Variants in CAST observed in about 807,000 individuals in gnomAD.
CAST encodes the protein calpastatin, also known as MIR583 host.
In CAST, 76 loss-of-function variants were observed where a neutral mutation model predicts 119.6. The observed-to-expected ratio is 0.64, with a 90% CI of 0.53 to 0.77. The LOEUF is 0.77. Among genes scored for constraint, CAST ranks in the 30% least tolerant of loss-of-function variants. CAST has a pLI of 0.00. For synonymous variants in CAST, 319 were observed against 331.6 expected (o/e 0.96, Z 0.41); for missense variants, 953 against 946.5 (o/e 1.01, Z -0.09).
the CAST span, among the ~76,000 whole-genome samples, chr5:96,277,547 CTAAA>C: frequency 3.9e-4 from 60 of 152,046 alleles, no homozygotes; most frequent in African/African-American, 1.4e-3. Flanking sequence ...ATAAGGATGA[CTAAA>C]TAAATATTCT....
the CAST span, among the ~76,000 whole-genome samples, chr5:96,042,290 G>A: frequency 2.6e-5 from 4 of 152,124 alleles, no homozygotes; most frequent in East Asian, 7.7e-4. Context: ...GTCTTTTTGA[G>A]GGTCTTAAGT....
the CAST span, among the ~76,000 whole-genome samples, chr5:96,168,455 T>C: frequency 6.6e-6 from 1 of 152,186 alleles, no homozygotes; most frequent in Non-Finnish European, 1.5e-5. Context: ...TTAGAGTCAG[T>C]ATAAATATTG....
At chr5:96,016,113 T>TG in the CAST span, among the ~76,000 whole-genome samples, 2 of 152,358 alleles carry the variant, frequency 1.3e-5, no homozygotes, top group African/African-American at 4.8e-5. Context: ...GCCTATGGAC[T>TG]GCAGCTTCAG....
the CAST span, among the ~76,000 whole-genome samples, chr5:96,233,111 C>G: frequency 6.6e-6 from 1 of 152,034 alleles, no homozygotes; most frequent in Non-Finnish European, 1.5e-5. Context: ...CAATCTGCAT[C>G]TATTAGTATT....
the CAST span, among the ~76,000 whole-genome samples, chr5:96,016,373 C>G: frequency 1.3e-5 from 2 of 152,216 alleles, no homozygotes; most frequent in Non-Finnish European, 2.9e-5. Context: ...AAGTCCAGAA[C>G]TCTGTGCACA....
chr5:96,655,479 G>A (rs761796025), intron 1 of CAST, among the ~76,000 whole-genome samples: 10 of 152,162 alleles, frequency 6.6e-5, no homozygotes, highest in African/African-American at 1.7e-4. Flanking sequence ...ATGGCAGTCC[G>A]CAGTCAAATG....
intron 1 of CAST, among the ~76,000 whole-genome samples, chr5:96,569,718 G>A (rs1746539274): frequency 6.6e-6 from 1 of 152,184 alleles, no homozygotes; most frequent in African/African-American, 2.4e-5. Context: ...CACTAAACAA[G>A]TCATCCATAG....
Position 96,774,519 on chromosome 5 carries a change from G to T in CAST, c.*1903G>T. The T allele has an allele frequency of 1.0e-6, 1 of 986,300 alleles. No homozygotes were observed. The highest frequency in any genetic ancestry group is 1.2e-6 in the Non-Finnish European group (1 of 829,808). 61.1% of individuals were successfully genotyped at this position (986,300 alleles called of 1,614,324 possible). Reference sequence around the variant, plus strand: ...AGAACAATTTTTTATTATCAAAAAGGTTTCTGCACATTGTTGTGGCAATAT... The same window carrying T: ...AGAACAATTTTTTATTATCAAAAAGTTTTCTGCACATTGTTGTGGCAATAT... On this transcript the variant is annotated 3_prime_UTR_variant, in exon 32 of 32. Transcript: ENST00000675179.
the CAST span, among the ~76,000 whole-genome samples, chr5:96,412,752 G>GTTTTTTTGTT: frequency 1.4e-5 from 1 of 71,832 alleles, no homozygotes; most frequent in African/African-American, 9.0e-5. Context: ...CAGCTGTGAT[G>GTTTTTTTGTT]TTTTTTTTTT....
At chr5:96,223,907 G>T in the CAST span, among the ~76,000 whole-genome samples, 1 of 152,068 alleles carries the variant, frequency 6.6e-6, no homozygotes, top group Non-Finnish European at 1.5e-5. Flanking sequence ...TTAACAAGCA[G>T]GTTAACAACA....
chr5:96,668,299 G>A (rs908278916), intron 1 of CAST, among the ~76,000 whole-genome samples: 1 of 152,164 alleles, frequency 6.6e-6, no homozygotes, highest in African/African-American at 2.4e-5. Context: ...AGTGTTATAC[G>A]AAGATGTGAG....
chr5:96,649,811 G>T (rs1481459445), intron 1 of CAST, among the ~76,000 whole-genome samples: 1 of 152,160 alleles, frequency 6.6e-6, no homozygotes, highest in Non-Finnish European at 1.5e-5. Flanking sequence ...TGTTAGAGTT[G>T]CATTTAAACT....
upstream of CAST, among the ~76,000 whole-genome samples, chr5:96,526,789 T>C (rs35758052): frequency 0.15 from 23,386 of 152,158 alleles, 2,121 homozygotes; most frequent in Middle Eastern, 0.23. Flanking sequence ...AACTTAGAGG[T>C]TGATTTTGCC....
chr5:96,762,395 G>A (rs752910063), intron 25 of CAST, 23 bp downstream of exon 25: 8 of 1,523,008 alleles, frequency 5.3e-6, no homozygotes, highest in Non-Finnish European at 7.1e-6. Context: ...TCTTATTTGG[G>A]AGATAAATGT....
At chr5:96,266,353 T>A in the CAST span, among the ~76,000 whole-genome samples, 1 of 152,306 alleles carries the variant, frequency 6.6e-6, no homozygotes, top group East Asian at 1.9e-4. Context: ...CCAGGAGAAC[T>A]TTCCCTGCTT....
At chr5:96,052,813 A>G in the CAST span, among the ~76,000 whole-genome samples, 4 of 152,214 alleles carry the variant, frequency 2.6e-5, no homozygotes, top group Admixed American at 2.0e-4. Context: ...TCTCTGATCC[A>G]TTTGGTCAGG....
At chr5:96,455,246 G>C in the CAST span, among the ~76,000 whole-genome samples, 5 of 152,176 alleles carry the variant, frequency 3.3e-5, no homozygotes, top group Admixed American at 6.5e-5. Flanking sequence ...GGGAAAAGCT[G>C]TCTCCAGCTT....
At chr5:96,494,855 C>T in the CAST span, among the ~76,000 whole-genome samples, 17 of 152,172 alleles carry the variant, frequency 1.1e-4, no homozygotes, top group East Asian at 3.8e-4. Flanking sequence ...CAGTAGCTCA[C>T]GCCTGTAATC....
In CAST at chr5:96,754,936, T is replaced by A. The variant is rs188368312; in HGVS notation, c.1710+195T>A. On this transcript the variant is annotated intron_variant, in intron 22 of 31. Coordinates refer to ENST00000675179, the MANE Select transcript of CAST (RefSeq NM_001750.7). ...CTAAAATATTCCTAAGTAGACTTGA[T>A]CCTCAAGTGAAAGAAATCTAATGTC... The A allele has an allele frequency of 9.0e-5, 36 of 400,278 alleles. 1 individual carries two copies. The East Asian group carries it at 1.5e-3, about 17-fold the overall frequency. 24.8% of individuals were successfully genotyped at this position (400,278 alleles called of 1,614,324 possible).
Sources: gnomAD v4.1 joint callset for allele counts (sites outside exome capture counted in the v4.1 genomes callset) on GRCh38, gnomAD v4.1.1 for gene constraint, MANE v1.5 for transcripts, NCBI Gene and HGNC (gene_info 2026-07-23, HGNC 2026-07-21) for gene names.